The following ZNF382 variants were observed in gnomAD, a reference collection of about 807,000 sequenced individuals.
The protein encoded by ZNF382 is KRAB/zinc finger suppressor protein 1.
A neutral mutation model predicts 38.8 loss-of-function variants in ZNF382; 20 were observed. The observed-to-expected ratio is 0.51, with a 90% CI of 0.36 to 0.75. The LOEUF is 0.75. Ranked by LOEUF, ZNF382 falls within the 30% of genes least tolerant of loss-of-function variation. The pLI is 0.00. For synonymous variants in ZNF382, 202 were observed against 223.1 expected (o/e 0.91, Z 0.84); for missense variants, 546 against 654.1 (o/e 0.83, Z 1.80).
intron 4 of ZNF382, among the ~76,000 whole-genome samples, chr19:36,623,857 G>T (rs1316881120): frequency 6.6e-6 from 1 of 151,218 alleles, no homozygotes; most frequent in Non-Finnish European, 1.5e-5. Flanking sequence ...TTGGGAGGCC[G>T]AGGTGGGTGG....
At position 36,626,197 on chromosome 19, in the gene ZNF382, C is replaced by A. The variant is rs902744321; in HGVS notation, c.300C>A (p.Pro100=). 6.3e-7 allele frequency: 1 copy of A among 1,594,344 alleles called. No homozygotes were observed. Among genetic ancestry groups the A allele is most frequent in the Non-Finnish European group, 8.5e-7 (1 of 1,174,412 alleles). The part of the protein sequence containing the change: ...FKEYQDRHSR[P]LIFINHKKLI... Reference sequence around the variant, plus strand: ...AATACCAAGACAGGCATTCTAGACCCCTCATATTCATCAACCACAAAAAAC... The same window carrying A: ...AATACCAAGACAGGCATTCTAGACCACTCATATTCATCAACCACAAAAAAC... The change falls in exon 5 of 5, where the codon CCC becomes CCA. Residue 100 remains proline, a synonymous_variant. Coordinates refer to ENST00000292928, the MANE Select transcript of ZNF382 (RefSeq NM_032825.5).
At chr19:36,622,310 C>T (rs1030626931) in intron 4 of ZNF382, among the ~76,000 whole-genome samples, 13 of 151,992 alleles carry the variant, frequency 8.6e-5, no homozygotes, top group Admixed American at 1.3e-4. Flanking sequence ...CATGAGCCAC[C>T]GGTGGCACCC....
intron 1 of ZNF382, among the ~76,000 whole-genome samples, chr19:36,606,821 T>A (rs1349353158): frequency 6.6e-6 from 1 of 152,084 alleles, no homozygotes; most frequent in African/African-American, 2.4e-5. Flanking sequence ...CTGATGCCTG[T>A]AATCCCAGCA....
At chr19:36,623,218 C>A (rs1226780053) in intron 4 of ZNF382, among the ~76,000 whole-genome samples, 1 of 152,062 alleles carries the variant, frequency 6.6e-6, no homozygotes, top group African/African-American at 2.4e-5. Context: ...CTACTAAGTT[C>A]TTTTTAGGGG....
At chr19:36,605,680 G>A (rs1048618409) in intron 1 of ZNF382, 10 of 152,196 alleles carry the variant, frequency 6.6e-5, no homozygotes, top group Admixed American at 3.3e-4. Flanking sequence ...CGCGCGCGCG[G>A]GCGCGCGCTG....
intron 4 of ZNF382, among the ~76,000 whole-genome samples, chr19:36,612,941 G>A (rs559291022): frequency 5.3e-5 from 8 of 151,936 alleles, no homozygotes; most frequent in African/African-American, 9.7e-5. Context: ...ACAGGCGTGC[G>A]CCACCACACC....
intron 4 of ZNF382, among the ~76,000 whole-genome samples, chr19:36,619,572 A>G (rs1363090370): frequency 6.6e-6 from 1 of 152,222 alleles, no homozygotes; most frequent in Non-Finnish European, 1.5e-5. Flanking sequence ...AAGCAAGCAC[A>G]TAATTAGATA....
chr19:36,625,089 A>ATATATATATATATATATAT (rs2037199569), intron 4 of ZNF382, among the ~76,000 whole-genome samples: 1 of 42,972 alleles, frequency 2.3e-5, no homozygotes, highest in Non-Finnish European at 4.7e-5. Context: ...AATGAATTTA[A>ATATATATATATATATATAT]ATATATATAT....
rs148800457 is a variant in ZNF382, at chr19:36,630,952, T to C, written c.*3402T>C. 5 of 152,080 alleles carry C rather than the reference T, an allele frequency of 3.3e-5. No homozygotes were observed. Among genetic ancestry groups the C allele is most frequent in the African/African-American group, 1.2e-4 (5 of 41,488 alleles). The allele number at this position is 152,080 out of a possible 1,614,324, so 9.4% of individuals were successfully genotyped here. Reference sequence around the variant, plus strand: ...GGCAGGCGCCATTCCTCTCAGCTAATGTTTTTATTTTTTATACATATGGGG... The same window carrying C: ...GGCAGGCGCCATTCCTCTCAGCTAACGTTTTTATTTTTTATACATATGGGG... On this transcript the variant is annotated 3_prime_UTR_variant, in exon 5 of 5. Coordinates refer to ENST00000292928, the MANE Select transcript of ZNF382 (RefSeq NM_032825.5).
chr19:36,612,941 G>T (rs559291022), intron 4 of ZNF382, among the ~76,000 whole-genome samples: 7 of 151,832 alleles, frequency 4.6e-5, no homozygotes, highest in Non-Finnish European at 1.0e-4. Flanking sequence ...ACAGGCGTGC[G>T]CCACCACACC....
chr19:36,623,633 A>G (rs1157148595), intron 4 of ZNF382, among the ~76,000 whole-genome samples: 1 of 152,040 alleles, frequency 6.6e-6, no homozygotes, highest in Non-Finnish European at 1.5e-5. Context: ...CCGCTAAAAA[A>G]TACAAAAAAC....
intron 3 of ZNF382, 98 bp downstream of exon 3, chr19:36,610,151 T>G: frequency 6.8e-7 from 1 of 1,476,386 alleles, no homozygotes; most frequent in African/African-American, 1.4e-5. Flanking sequence ...AGGTGATTAT[T>G]TTTTTGGCAG....
chr19:36,613,566 G>A (rs558488492), intron 4 of ZNF382, among the ~76,000 whole-genome samples: 2 of 151,460 alleles, frequency 1.3e-5, no homozygotes, highest in Admixed American at 6.6e-5. Flanking sequence ...TCAGCCTCCC[G>A]AGTAGCTGGG....
intron 4 of ZNF382, among the ~76,000 whole-genome samples, chr19:36,619,727 G>T (rs1374375059): frequency 7.2e-6 from 1 of 138,828 alleles, no homozygotes; most frequent in African/African-American, 2.6e-5. Context: ...GAAATTAAAA[G>T]AGTTTTTTTT....
At position 36,610,633 on chromosome 19, in the gene ZNF382, T is replaced by A; in HGVS notation, c.140-17T>A. 6.2e-7 allele frequency: 1 copy of A among 1,601,062 alleles called. No homozygotes were observed. The highest frequency in any genetic ancestry group is 8.5e-7 in the Non-Finnish European group (1 of 1,174,226). On this transcript the variant is annotated splice_polypyrimidine_tract_variant and intron_variant, in intron 3 of 4. Coordinates refer to ENST00000292928, the MANE Select transcript of ZNF382 (RefSeq NM_032825.5). ...GTCGAAACAGCTTAGACCAAAAGTC[T>A]CATTTTCCATCATCAGGGTTTCACA... is the stretch of plus-strand genomic sequence containing the variant.
chr19:36,608,259 G>A (rs1044648527), intron 2 of ZNF382, among the ~76,000 whole-genome samples: 5 of 152,172 alleles, frequency 3.3e-5, no homozygotes, highest in African/African-American at 1.2e-4. Context: ...AAGGAAACAC[G>A]TTTTATGTTC....
At chr19:36,609,710 C>A in intron 2 of ZNF382, 192 bp from the exon 3 acceptor site, 1 of 496,316 alleles carries the variant, frequency 2.0e-6, no homozygotes, top group South Asian at 4.1e-5. Context: ...TACCAGGCAA[C>A]CAGTCACATT....
intron 4 of ZNF382, 62 bp from the exon 5 acceptor site, chr19:36,626,068 A>G: frequency 8.5e-6 from 11 of 1,293,498 alleles, no homozygotes; most frequent in South Asian, 1.8e-5. Context: ...GTTTGTCTGT[A>G]TGTATACCCA....
chr19:36,630,891 TCTC>T lies in ZNF382; in HGVS notation c.*3344_*3346del, dbSNP rs1277937046. ...ACTTGAATTCCTGGACTCAAGCAAT[TCTC>T]CTGCCTCAGCCTCCCAAGTAGCTAG... On this transcript the variant is annotated 3_prime_UTR_variant, in exon 5 of 5. Transcript: ENST00000292928. 1.3e-5 allele frequency: 2 copies of T among 151,302 alleles called. No homozygotes were observed. The highest frequency in any genetic ancestry group is 2.9e-5 in the Non-Finnish European group (2 of 67,804). 9.4% of individuals were successfully genotyped at this position (151,302 alleles called of 1,614,324 possible).
Sources: allele counts gnomAD v4.1 joint callset (sites outside exome capture counted in the v4.1 genomes callset), GRCh38; gene constraint gnomAD v4.1.1; transcripts MANE v1.5; gene names NCBI Gene and HGNC (gene_info 2026-07-23, HGNC 2026-07-21).